The following EPHA6 variants were observed in gnomAD, a reference collection of about 807,000 sequenced individuals.
The protein encoded by EPHA6 is EPH receptor A6.
In EPHA6, 50 loss-of-function variants were observed where a neutral mutation model predicts 112.0. That is an observed-to-expected ratio of 0.45 (90% CI 0.36 to 0.56). The LOEUF is 0.56. Among genes scored for constraint, EPHA6 ranks in the 20% least tolerant of loss-of-function variants. The pLI is 0.00. For synonymous variants in EPHA6, 529 were observed against 490.7 expected, an observed-to-expected ratio of 1.08 and a Z score of -1.03; for missense variants, 1,280 against 1,417.4, an observed-to-expected ratio of 0.90 and a Z score of 1.56.
In EPHA6 at chr3:97,108,981, G is replaced by A. The variant is rs530866853; in HGVS notation, c.1115-117283G>A. On this transcript the variant is annotated intron_variant, in intron 3 of 17. Coordinates refer to ENST00000389672, the MANE Select transcript of EPHA6 (RefSeq NM_001080448.3). ...GCATGTACAACACTCCAGGGACTGA[G>A]CAGAGGGCAGCCAGAGTGACAGATG... 2.7e-4 allele frequency among the ~76,000 whole-genome samples: 41 copies of A among 152,268 alleles called. 1 individual carries two copies. Among genetic ancestry groups the A allele is most frequent in the Admixed American group, 2.1e-3 (32 of 15,270 alleles).
chr3:97,760,740 T>C lies in EPHA6; in HGVS notation c.*12039T>C, dbSNP rs1267567012. The C allele has an allele frequency of 1.6e-5, 3 of 183,094 alleles. No homozygotes were observed. In the Admixed American group the frequency reaches 1.9e-4, roughly 11 times the overall value. The allele number at this position is 183,094 out of a possible 1,614,324, so 11.3% of individuals were successfully genotyped here. ...TTATATAAAATACCTAGATAACATGTCTAGGTTGAGATATTTAATCCCTCA... is the reference window on the plus strand; with the variant it reads ...TTATATAAAATACCTAGATAACATGCCTAGGTTGAGATATTTAATCCCTCA... On this transcript the variant is annotated 3_prime_UTR_variant, in exon 18 of 18. Coordinates refer to ENST00000389672, the MANE Select transcript of EPHA6 (RefSeq NM_001080448.3).
chr3:97,472,615 C>T (rs183126315), intron 7 of EPHA6, among the ~76,000 whole-genome samples: 1 of 151,822 alleles, frequency 6.6e-6, no homozygotes, highest in African/African-American at 2.4e-5. Flanking sequence ...AAAATTATCC[C>T]CATCAGGACC....
chr3:97,600,805 TAA>T (rs111876263), intron 12 of EPHA6, among the ~76,000 whole-genome samples: 6 of 145,010 alleles, frequency 4.1e-5, no homozygotes, highest in Admixed American at 3.5e-4. Flanking sequence ...AGCAGTGCAT[TAA>T]AAAAAAAAAG....
chr3:97,025,781 G>T (rs1050670639), intron 3 of EPHA6, among the ~76,000 whole-genome samples: 1 of 152,010 alleles, frequency 6.6e-6, no homozygotes, highest in Non-Finnish European at 1.5e-5. Flanking sequence ...TAGAGATGGG[G>T]TTTCACTCTG....
intron 5 of EPHA6, among the ~76,000 whole-genome samples, chr3:97,377,355 A>G (rs2085431792): frequency 6.6e-6 from 1 of 152,166 alleles, no homozygotes; most frequent in African/African-American, 2.4e-5. Context: ...AGGCCTCCCC[A>G]GCCATGTGGA....
At chr3:96,847,244 T>G (rs904405976) in intron 1 of EPHA6, among the ~76,000 whole-genome samples, 1 of 152,074 alleles carries the variant, frequency 6.6e-6, no homozygotes, top group Non-Finnish European at 1.5e-5. Flanking sequence ...AATAAAATAT[T>G]ATGTGTAATT....
chr3:97,109,881 A>G lies in EPHA6; in HGVS notation c.1115-116383A>G, dbSNP rs16838409. 2.3e-3 allele frequency among the ~76,000 whole-genome samples: 346 copies of G among 152,234 alleles called. 8 individuals are homozygous for G. The East Asian group carries it at 0.061, about 27-fold the overall frequency. ...TTGTGACAAGTACAGAAGTGATCAT[A>G]TGGTAACCTAACAATTTCCACCAAA... On this transcript the variant is annotated intron_variant, in intron 3 of 17. Transcript: ENST00000389672.
chr3:97,737,225 T>C (rs1284839386), intron 16 of EPHA6, among the ~76,000 whole-genome samples: 1 of 151,916 alleles, frequency 6.6e-6, no homozygotes, highest in African/African-American at 2.4e-5. Context: ...TGGACAGCCA[T>C]GGAAGGATTT....
intron 2 of EPHA6, among the ~76,000 whole-genome samples, chr3:96,958,497 A>C (rs986644403): frequency 6.6e-6 from 1 of 152,170 alleles, no homozygotes; most frequent in African/African-American, 2.4e-5. Flanking sequence ...TTCATTCAAT[A>C]AATACTATTA....
At chr3:97,300,093 G>A (rs923354331) in intron 5 of EPHA6, among the ~76,000 whole-genome samples, 37 of 152,064 alleles carry the variant, frequency 2.4e-4, no homozygotes, top group African/African-American at 8.2e-4. Flanking sequence ...ATTAACAAGT[G>A]TTCATAACTT....
intron 2 of EPHA6, among the ~76,000 whole-genome samples, chr3:96,969,917 A>ATGG (rs1341424533): frequency 6.6e-6 from 1 of 152,058 alleles, no homozygotes; most frequent in African/African-American, 2.4e-5. Context: ...GTACATTAAC[A>ATGG]TGTCCAGTTT....
chr3:97,716,340 G>C (rs541309806), intron 14 of EPHA6, among the ~76,000 whole-genome samples: 3 of 124,330 alleles, frequency 2.4e-5, no homozygotes, highest in South Asian at 2.2e-4. Flanking sequence ...AGGCCGAGGC[G>C]GGTGGATCAT....
chr3:97,508,610 G>A (rs192355717), intron 10 of EPHA6, among the ~76,000 whole-genome samples: 11 of 152,116 alleles, frequency 7.2e-5, no homozygotes, highest in Admixed American at 2.0e-4. Flanking sequence ...GTGCGATGTG[G>A]TGCTGAGAAG....
intron 2 of EPHA6, among the ~76,000 whole-genome samples, chr3:96,919,704 C>G (rs1337995220): frequency 6.6e-6 from 1 of 151,840 alleles, no homozygotes; most frequent in Non-Finnish European, 1.5e-5. Context: ...GTGTCCATCT[C>G]CAATAATACT....
At chr3:97,544,929 T>A in intron 11 of EPHA6, among the ~76,000 whole-genome samples, 1 of 151,558 alleles carries the variant, frequency 6.6e-6, no homozygotes. Context: ...TGTGGGAAAT[T>A]TGCGTCTATT....
At chr3:97,264,336 T>C (rs1289337240) in intron 5 of EPHA6, among the ~76,000 whole-genome samples, 1 of 152,174 alleles carries the variant, frequency 6.6e-6, no homozygotes, top group African/African-American at 2.4e-5. Flanking sequence ...TTGCGCACAG[T>C]TGGACATGCC....
At chr3:97,042,316 T>C (rs2045345530) in intron 3 of EPHA6, among the ~76,000 whole-genome samples, 1 of 152,112 alleles carries the variant, frequency 6.6e-6, no homozygotes, top group South Asian at 2.1e-4. Flanking sequence ...ACGTGCCTGC[T>C]TCCCCTGCAC....
At chr3:96,887,183 G>T (rs183324537) in intron 2 of EPHA6, among the ~76,000 whole-genome samples, 1 of 152,238 alleles carries the variant, frequency 6.6e-6, no homozygotes, top group Admixed American at 6.5e-5. Context: ...CATATTACTA[G>T]GGTTGGTTTT....
intron 14 of EPHA6, among the ~76,000 whole-genome samples, chr3:97,687,678 A>C (rs939526521): frequency 1.3e-5 from 2 of 152,230 alleles, no homozygotes; most frequent in African/African-American, 4.8e-5. Flanking sequence ...AAAACAGATA[A>C]TTTGTTAAAG....
Sources: allele counts gnomAD v4.1 joint callset (sites outside exome capture counted in the v4.1 genomes callset), GRCh38; gene constraint gnomAD v4.1.1; transcripts MANE v1.5; gene names NCBI Gene and HGNC (gene_info 2026-07-23, HGNC 2026-07-21).